Variants in C5orf58 observed in about 807,000 individuals in gnomAD.
The protein encoded by C5orf58 is putative uncharacterized protein C5orf58.
A neutral mutation model predicts 2.9 loss-of-function variants in C5orf58; 2 were observed. The observed-to-expected ratio is 0.69, with a 90% CI of 0.28 to 2.18. The LOEUF is 2.18. Ranked by LOEUF, C5orf58 falls within the 30% of genes most tolerant of loss-of-function variation. The pLI is 0.13. For synonymous variants in C5orf58, 37 were observed against 33.4 expected (o/e 1.11, Z -0.37); for missense variants, 96 against 91.7 (o/e 1.05, Z -0.19).
rs1223983723 is a variant in C5orf58, at chr5:170,243,680, G to A, written c.95-2282G>A. ...TTTGAGCCTATGTGTGTCTCTGCAC[G>A]TGAGATGGGTTTCCTGAATACAGCA... is the stretch of plus-strand genomic sequence containing the variant. On this transcript the variant is annotated intron_variant, in intron 3 of 3. Transcript: ENST00000593851. Among the ~76,000 whole-genome samples, 81 of 149,428 alleles carry A rather than the reference G, an allele frequency of 5.4e-4. 1 individual carries two copies. The South Asian group carries it at 7.2e-3, about 13-fold the overall frequency.
chr5:170,238,089 T>C (rs992424208), intron 3 of C5orf58, among the ~76,000 whole-genome samples: 2 of 152,174 alleles, frequency 1.3e-5, no homozygotes, highest in African/African-American at 4.8e-5. Context: ...CTTCCAATTG[T>C]CTTTTTAGTG....
chr5:170,240,746 G>C, intron 3 of C5orf58, among the ~76,000 whole-genome samples: 1 of 149,204 alleles, frequency 6.7e-6, no homozygotes, highest in Non-Finnish European at 1.5e-5. Context: ...TCTGATGGTA[G>C]TTTCTTTTGC....
At chr5:170,243,160 T>G (rs1761096725) in intron 3 of C5orf58, among the ~76,000 whole-genome samples, 1 of 149,870 alleles carries the variant, frequency 6.7e-6, no homozygotes, top group South Asian at 2.1e-4. Context: ...TTATAATCTC[T>G]GTTCTTTTAC....
chr5:170,238,192 G>A (rs1760822536), intron 3 of C5orf58, among the ~76,000 whole-genome samples: 1 of 152,062 alleles, frequency 6.6e-6, no homozygotes, highest in Admixed American at 6.6e-5. Context: ...CAGATTCAAT[G>A]AGGAAGAAAC....
At chr5:170,237,452 C>T in intron 3 of C5orf58, 1 of 394,184 alleles carries the variant, frequency 2.5e-6, no homozygotes, top group Non-Finnish European at 4.5e-6. Context: ...AGTGGTACAC[C>T]TGAGATTTAA....
At chr5:170,236,064 C>G (rs956534806) in intron 3 of C5orf58, among the ~76,000 whole-genome samples, 3 of 152,084 alleles carry the variant, frequency 2.0e-5, no homozygotes, top group African/African-American at 7.2e-5. Flanking sequence ...CAGCACAGTT[C>G]CCTTTCATTG....
chr5:170,248,896 C>T, downstream of C5orf58: 1 of 1,413,234 alleles, frequency 7.1e-7, no homozygotes, highest in Non-Finnish European at 9.9e-7. Flanking sequence ...TTTTTATCTG[C>T]ATAATATATG....
At chr5:170,240,370 GAAC>G (rs1247366225) in intron 3 of C5orf58, among the ~76,000 whole-genome samples, 16 of 139,012 alleles carry the variant, frequency 1.2e-4, no homozygotes, top group African/African-American at 4.3e-4. Context: ...CACAATGGTT[GAAC>G]TAGTTTACAG....
intron 3 of C5orf58, among the ~76,000 whole-genome samples, chr5:170,236,952 G>A (rs534674246): frequency 2.0e-5 from 3 of 152,144 alleles, no homozygotes; most frequent in Admixed American, 6.5e-5. Flanking sequence ...TACTTAACAC[G>A]GTGCCTTGAT....
At chr5:170,252,087 AG>A (rs1394070552) in exon 3 of C5orf58, 7 of 204,022 alleles carry the variant, frequency 3.4e-5, no homozygotes, top group African/African-American at 1.6e-4. Flanking sequence ...CTGTGTTAAG[AG>A]GAAGATAGAA....
intron 1 of C5orf58, 56 bp from the exon 2 acceptor site, chr5:170,234,059 G>C: frequency 9.6e-7 from 1 of 1,040,314 alleles, no homozygotes; most frequent in South Asian, 1.3e-5. Context: ...CTGGAGAATG[G>C]GGTCTTGGGG....
intron 3 of C5orf58, among the ~76,000 whole-genome samples, chr5:170,241,877 C>T (rs1358434034): frequency 6.6e-6 from 1 of 151,472 alleles, no homozygotes; most frequent in Admixed American, 6.6e-5. Context: ...GGAATGCTTC[C>T]AGTTTTTGCC....
At chr5:170,251,764 C>T (rs141808946) in exon 3 of C5orf58, 1 of 418,952 alleles carries the variant, frequency 2.4e-6, no homozygotes, top group African/African-American at 2.0e-5. Context: ...AGAGCTGACA[C>T]AGCACCCCCA....
At chr5:170,241,438 C>T (rs989817656) in intron 3 of C5orf58, among the ~76,000 whole-genome samples, 8 of 151,184 alleles carry the variant, frequency 5.3e-5, no homozygotes, top group Non-Finnish European at 1.0e-4. Flanking sequence ...TTCTTTGTAT[C>T]CTCTTTTATT....
chr5:170,248,600 C>T (rs1346571097), downstream of C5orf58: 3 of 1,313,956 alleles, frequency 2.3e-6, no homozygotes, highest in Non-Finnish European at 3.2e-6. Context: ...GGGAGGGGTT[C>T]AGTTCAGTCC....
intron 3 of C5orf58, among the ~76,000 whole-genome samples, chr5:170,245,126 C>A (rs1761204891): frequency 6.6e-6 from 1 of 152,188 alleles, no homozygotes; most frequent in African/African-American, 2.4e-5. Flanking sequence ...GGCAGTCTGC[C>A]CGTTCTCAGA....
intron 3 of C5orf58, among the ~76,000 whole-genome samples, chr5:170,237,587 C>G (rs1018608607): frequency 6.6e-6 from 1 of 152,116 alleles, no homozygotes; most frequent in Admixed American, 6.5e-5. Context: ...AAAATCTGAA[C>G]CCTAAGCTGG....
At chr5:170,245,506 G>T (rs1810080) in intron 3 of C5orf58, among the ~76,000 whole-genome samples, 2 of 152,126 alleles carry the variant, frequency 1.3e-5, no homozygotes, top group African/African-American at 4.8e-5. Context: ...TCTGAAAAGC[G>T]CAATATTCAG....
exon 3 of C5orf58, chr5:170,252,092 G>A: frequency 4.9e-6 from 1 of 205,192 alleles, no homozygotes; most frequent in Middle Eastern, 2.1e-3. Context: ...TTAAGAGGAA[G>A]ATAGAACTGG....
Sources: allele counts gnomAD v4.1 joint callset (sites outside exome capture counted in the v4.1 genomes callset), GRCh38; gene constraint gnomAD v4.1.1; transcripts MANE v1.5; gene names NCBI Gene and HGNC (gene_info 2026-07-23, HGNC 2026-07-21).